Variants in SMAGP observed in about 807,000 individuals in gnomAD.
SMAGP encodes the protein small cell adhesion glycoprotein.
Under a neutral mutation model 10.1 loss-of-function variants are expected in SMAGP, and 7 were observed. The observed-to-expected ratio is 0.70, with a 90% CI of 0.40 to 1.31. The LOEUF (loss-of-function observed/expected upper bound fraction) is 1.31. Ranked by LOEUF, SMAGP falls within the 50% of genes most tolerant of loss-of-function variation. SMAGP has a pLI of 0.01. For missense variants in SMAGP, 113 were observed against 116.5 expected (o/e 0.97, Z 0.14); for synonymous variants, 49 against 47.2 (o/e 1.04, Z -0.16).
intron 2 of SMAGP, among the ~76,000 whole-genome samples, chr12:51,267,996 C>T (rs887967150): frequency 2.6e-5 from 4 of 152,164 alleles, no homozygotes; most frequent in Non-Finnish European, 5.9e-5. Flanking sequence ...GGGTTTGTTC[C>T]TCTCTCTCCC....
At chr12:51,247,351 T>C (rs1944787151) in intron 2 of SMAGP, among the ~76,000 whole-genome samples, 1 of 152,158 alleles carries the variant, frequency 6.6e-6, no homozygotes, top group African/African-American at 2.4e-5. Flanking sequence ...TTGTAAACAT[T>C]ATTTTAACAT....
intron 2 of SMAGP, among the ~76,000 whole-genome samples, chr12:51,258,870 G>A (rs1320772186): frequency 6.6e-6 from 1 of 151,536 alleles, no homozygotes; most frequent in Non-Finnish European, 1.5e-5. Flanking sequence ...TCCAAGGCTG[G>A]GTGCAGTGGC....
intron 2 of SMAGP, among the ~76,000 whole-genome samples, chr12:51,261,406 A>G (rs548617728): frequency 2.0e-4 from 30 of 152,166 alleles, no homozygotes; most frequent in Admixed American, 1.6e-3. Flanking sequence ...GGGTGTCACA[A>G]TTTTGAAGTG....
At chr12:51,259,408 C>T (rs1216603758) in intron 2 of SMAGP, among the ~76,000 whole-genome samples, 11 of 152,006 alleles carry the variant, frequency 7.2e-5, no homozygotes, top group Non-Finnish European at 1.6e-4. Context: ...GCCACTGCGC[C>T]CAGCCCTGAC....
intron 2 of SMAGP, among the ~76,000 whole-genome samples, chr12:51,260,206 C>CT (rs1274632737): frequency 0.046 from 4,870 of 104,860 alleles, 143 homozygotes; most frequent in Non-Finnish European, 0.069. Context: ...GTCATGGTTT[C>CT]TTTTTTTTTT....
intron 2 of SMAGP, among the ~76,000 whole-genome samples, chr12:51,250,811 G>C (rs1202918577): frequency 6.6e-6 from 1 of 152,124 alleles, no homozygotes; most frequent in Non-Finnish European, 1.5e-5. Flanking sequence ...GTTGAACCTG[G>C]TGACTTGCTT....
chr12:51,246,514 T>A (rs750147299), intron 3 of SMAGP: 70 of 454,312 alleles, frequency 1.5e-4, no homozygotes, highest in Admixed American at 9.6e-4. Flanking sequence ...TACTCAAGTG[T>A]AACGTCCGTA....
At position 51,246,037 on chromosome 12, in the gene SMAGP, G is replaced by A. The variant is rs767515702; in HGVS notation, c.198C>T (p.Tyr66=). Residue 66 remains tyrosine (Y), a synonymous_variant, in exon 4 of 4, where the codon TAC becomes TAT. Transcript: ENST00000603798. ...CACCTTCTGTAGGTTCATAGGTGAC[G>A]TAGCTGCCTTTGTTCTTGTACAGGT... ...FFYLYKNKGS[Y]VTYEPTEGEP... The A allele has an allele frequency of 1.9e-5, 31 of 1,613,840 alleles. No homozygotes were observed. In the East Asian group the frequency reaches 2.7e-4, roughly 14 times the overall value.
intron 2 of SMAGP, among the ~76,000 whole-genome samples, chr12:51,266,910 G>A (rs1009171170): frequency 6.6e-6 from 1 of 152,220 alleles, no homozygotes; most frequent in African/African-American, 2.4e-5. Flanking sequence ...GAGGCCAGGA[G>A]TTTGAGACCA....
chr12:51,268,469 A>T (rs1301941309), intron 2 of SMAGP, among the ~76,000 whole-genome samples: 1 of 152,150 alleles, frequency 6.6e-6, no homozygotes, highest in Non-Finnish European at 1.5e-5. Flanking sequence ...ATTTAATTAC[A>T]AGGGTTTCTG....
rs1555167102 is a variant in SMAGP, at chr12:51,256,739, AAC to A, written c.35-9910_35-9909del. Among the ~76,000 whole-genome samples the A allele has an allele frequency of 8.7e-3, 312 of 35,738 alleles. 1 individual carries two copies. The highest frequency in any genetic ancestry group is 0.043 in the Middle Eastern group (2 of 46). 23.4% of individuals were successfully genotyped at this position (35,738 alleles called of 152,430 possible). ...CCGTCTCAAAACAAACAAACAAACA[AAC>A]AAAAAAAACACAAACAAACAAAACC... On this transcript the variant is annotated intron_variant, in intron 2 of 3. Coordinates refer to ENST00000603798, the MANE Select transcript of SMAGP (RefSeq NM_001031628.2).
intron 2 of SMAGP, among the ~76,000 whole-genome samples, chr12:51,248,488 C>T (rs1482236502): frequency 6.7e-6 from 1 of 149,032 alleles, no homozygotes; most frequent in Non-Finnish European, 1.5e-5. Flanking sequence ...GGTTTTCATC[C>T]AGTTCCTGGC....
intron 2 of SMAGP, among the ~76,000 whole-genome samples, chr12:51,262,808 T>A (rs1944941679): frequency 2.0e-5 from 3 of 152,200 alleles, no homozygotes; most frequent in Admixed American, 2.0e-4. Flanking sequence ...AAATCTCTTA[T>A]CACTGAGGCA....
intron 2 of SMAGP, among the ~76,000 whole-genome samples, chr12:51,260,211 T>TC (rs1478874470): frequency 5.7e-5 from 8 of 139,488 alleles, no homozygotes; most frequent in African/African-American, 2.4e-4. Context: ...GGTTTCTTTT[T>TC]TTTTTTTTTT....
At chr12:51,266,800 T>C (rs768348392) in intron 2 of SMAGP, among the ~76,000 whole-genome samples, 27 of 152,250 alleles carry the variant, frequency 1.8e-4, no homozygotes, top group South Asian at 1.4e-3. Context: ...AAAATGGTAA[T>C]ACCTGTACTA....
chr12:51,249,623 AT>A (rs375937867), intron 2 of SMAGP, among the ~76,000 whole-genome samples: 4,390 of 145,086 alleles, frequency 0.03, 205 homozygotes, highest in African/African-American at 0.1. Context: ...ACAGTTATAC[AT>A]TTTTTTTTTT....
chr12:51,270,212 G>A (rs1299676109), intron 1 of SMAGP, 44 bp downstream of exon 1: 1 of 152,602 alleles, frequency 6.6e-6, no homozygotes, highest in Non-Finnish European at 1.5e-5. Context: ...GGCGAATGTG[G>A]GCGACCCGGC....
At chr12:51,264,827 G>C (rs1191570682) in intron 2 of SMAGP, among the ~76,000 whole-genome samples, 1 of 151,198 alleles carries the variant, frequency 6.6e-6, no homozygotes, top group Non-Finnish European at 1.5e-5. Context: ...AGCTACTCAG[G>C]AGGTTGAGGC....
At chr12:51,269,656 C>T (rs1945008694) in intron 1 of SMAGP, 3 of 205,138 alleles carry the variant, frequency 1.5e-5, no homozygotes, top group South Asian at 8.2e-5. Flanking sequence ...CGCCAAAGCG[C>T]GGTAACAGGT....
Sources: gnomAD v4.1 joint callset for allele counts (sites outside exome capture counted in the v4.1 genomes callset) on GRCh38, gnomAD v4.1.1 for gene constraint, MANE v1.5 for transcripts, NCBI Gene and HGNC (gene_info 2026-07-23, HGNC 2026-07-21) for gene names.